YES1: variants seen among roughly 807,000 people sequenced by gnomAD.
YES1 encodes tyrosine-protein kinase Yes.
Under a neutral mutation model 70.4 loss-of-function variants are expected in YES1, and 39 were observed. The ratio of observed to expected loss-of-function variants is 0.55; its 90% CI spans 0.43 to 0.72. The LOEUF (loss-of-function observed/expected upper bound fraction) is 0.72, where lower values mean the gene tolerates loss of function less well. YES1 is among the 30% of genes least tolerant of loss of function. YES1 has a pLI of 0.00. For synonymous variants in YES1, 198 were observed against 218.6 expected, an observed-to-expected ratio of 0.91 and a Z score of 0.83; for missense variants, 495 against 644.8, an observed-to-expected ratio of 0.77 and a Z score of 2.52.
intron 10 of YES1, among the ~76,000 whole-genome samples, chr18:734,712 T>C (rs982844832): frequency 7.3e-5 from 11 of 151,094 alleles, no homozygotes; most frequent in African/African-American, 2.7e-4. Flanking sequence ...TAGATGTTGG[T>C]GTGGATGTGG....
chr18:736,963 T>C lies in YES1; in HGVS notation c.1138-2A>G. On this transcript the variant is annotated splice_acceptor_variant, in intron 9 of 11. Coordinates refer to ENST00000314574, the MANE Select transcript of YES1 (RefSeq NM_005433.4). LOFTEE classifies it high-confidence loss of function. ...AATATATGCCATACCATCAGCAATC[T>C]TGGAAAGAGAAAAACAAAAAACACA... 1.9e-6 allele frequency: 3 copies of C among 1,600,728 alleles called. No individual in the cohort carries two copies. The highest frequency in any genetic ancestry group is 1.1e-5 in the South Asian group (1 of 89,204).
intron 1 of YES1, among the ~76,000 whole-genome samples, chr18:808,671 C>A (rs886554056): frequency 1.3e-5 from 2 of 152,132 alleles, no homozygotes; most frequent in Non-Finnish European, 2.9e-5. Flanking sequence ...ACTGAAAGTT[C>A]CTGTGATATA....
intron 1 of YES1, among the ~76,000 whole-genome samples, chr18:789,573 ACT>A (rs1323917313): frequency 6.6e-6 from 1 of 152,088 alleles, no homozygotes; most frequent in African/African-American, 2.4e-5. Context: ...AGAGAGCAAG[ACT>A]CTGTCTCAAA....
At chr18:750,453 G>A (rs186291521) in intron 3 of YES1, among the ~76,000 whole-genome samples, 11 of 152,244 alleles carry the variant, frequency 7.2e-5, no homozygotes, top group African/African-American at 2.6e-4. Flanking sequence ...TGCTGTGTGC[G>A]TTTTAAGATA....
chr18:791,307 C>T (rs1906237627), intron 1 of YES1, among the ~76,000 whole-genome samples: 1 of 149,460 alleles, frequency 6.7e-6, no homozygotes, highest in Non-Finnish European at 1.5e-5. Context: ...CAACAGTGAA[C>T]AAAACGTCCC....
At chr18:767,882 G>GT (rs1425869541) in intron 1 of YES1, among the ~76,000 whole-genome samples, 2 of 152,058 alleles carry the variant, frequency 1.3e-5, no homozygotes, top group Non-Finnish European at 2.9e-5. Context: ...TGTATTTTTA[G>GT]TAGAGATGGG....
At chr18:747,082 G>A (rs2080289268) in intron 4 of YES1, among the ~76,000 whole-genome samples, 1 of 152,126 alleles carries the variant, frequency 6.6e-6, no homozygotes, top group African/African-American at 2.4e-5. Flanking sequence ...AAAACTAACT[G>A]AAAGTAATAT....
intron 1 of YES1, among the ~76,000 whole-genome samples, chr18:777,326 G>A (rs1369997893): frequency 2.0e-5 from 3 of 152,162 alleles, no homozygotes; most frequent in African/African-American, 7.2e-5. Flanking sequence ...CCACTGAATT[G>A]TAACTTGATT....
intron 1 of YES1, among the ~76,000 whole-genome samples, chr18:796,994 C>T (rs1906579635): frequency 6.6e-6 from 1 of 151,884 alleles, no homozygotes; most frequent in South Asian, 2.1e-4. Context: ...AAAACAAAAA[C>T]CTGTAAGTAG....
Position 801,347 on chromosome 18 carries a change from C to T in YES1, c.-9+10767G>A, listed in dbSNP as rs143949484. ...CACCCTGTCTCAAAAAAATGATTTACATGAACAAACTAGTATAGAAGACTA... is the reference window on the plus strand; with the variant it reads ...CACCCTGTCTCAAAAAAATGATTTATATGAACAAACTAGTATAGAAGACTA... On this transcript the variant is annotated intron_variant, in intron 1 of 11. Coordinates refer to ENST00000314574, the MANE Select transcript of YES1 (RefSeq NM_005433.4). 2.1e-3 allele frequency among the ~76,000 whole-genome samples: 316 copies of T among 151,974 alleles called. 1 individual carries two copies. The highest frequency in any genetic ancestry group is 3.7e-3 in the Non-Finnish European group (250 of 67,926).
chr18:728,123 C>A (rs1391936390), intron 11 of YES1, among the ~76,000 whole-genome samples: 1 of 151,992 alleles, frequency 6.6e-6, no homozygotes. Context: ...ATCGCTTGAG[C>A]CTAGGATTTT....
chr18:743,061 G>A lies in YES1; in HGVS notation c.917C>T (p.Thr306Ile). 1 of 1,602,598 alleles carries A rather than the reference G, an allele frequency of 6.2e-7. No homozygotes were observed. Among genetic ancestry groups the A allele is most frequent in the Non-Finnish European group, 8.5e-7 (1 of 1,177,334 alleles). The change falls in exon 8 of 12, where the codon ACA becomes ATA. Residue 306 changes from threonine (T) to isoleucine (I), a missense_variant. By Grantham distance (89) the Thr-to-Ile change is moderately conservative (BLOSUM62 -1). This residue lies in a region of YES1 where 385 missense variants were observed against 540.9 expected (regional missense o/e 0.71). Coordinates refer to ENST00000314574, the MANE Select transcript of YES1 (RefSeq NM_005433.4). Reference protein sequence around the residue: ...WNGTTKVAIKTLKPGTMMPEA... With the variant: ...WNGTTKVAIKILKPGTMMPEA... The stretch of plus-strand genomic sequence containing the variant: ...TGGCATCATTGTACCTGGTTTTAGT[G>A]TTTTGATTGCTACTTTCGTGGTTCC...
At position 767,770 on chromosome 18, in the gene YES1, G is replaced by A. The variant is rs965931324; in HGVS notation, c.-8-10935C>T. On this transcript the variant is annotated intron_variant, in intron 1 of 11. Transcript: ENST00000314574. Reference sequence around the variant, plus strand: ...GGCTGGAGTACAGGGGCACGATCTCGGTTCACTGCAACCTCCATCTCCTGG... The same window carrying A: ...GGCTGGAGTACAGGGGCACGATCTCAGTTCACTGCAACCTCCATCTCCTGG... Among the ~76,000 whole-genome samples, 25 of 152,034 alleles carry A rather than the reference G, an allele frequency of 1.6e-4. 1 individual carries two copies. Among genetic ancestry groups the A allele is most frequent in the Admixed American group, 1.6e-3 (24 of 15,258 alleles).
In YES1 at chr18:757,330, CG is replaced by C. The variant is rs916503041; in HGVS notation, c.-8-496del. 9.3e-5 allele frequency among the ~76,000 whole-genome samples: 14 copies of C among 150,922 alleles called. 1 individual carries two copies. Among genetic ancestry groups the C allele is most frequent in the Middle Eastern group, 6.5e-3 (2 of 308 alleles). On this transcript the variant is annotated intron_variant, in intron 1 of 11. Transcript: ENST00000314574. ...CATCCTGGCTAACACGGTGAAACCC[CG>C]CCTCTACTAAAAATGCAAAAAATTA...
intron 1 of YES1, among the ~76,000 whole-genome samples, chr18:801,200 G>A (rs897655749): frequency 2.6e-5 from 4 of 151,958 alleles, no homozygotes; most frequent in African/African-American, 4.8e-5. Context: ...AGGCATAGTG[G>A]TGCACACCTG....
chr18:747,796 T>C (rs2080297773), intron 4 of YES1, 124 bp downstream of exon 4: 1 of 757,020 alleles, frequency 1.3e-6, no homozygotes, highest in Non-Finnish European at 2.1e-6. Context: ...TCTATTAATA[T>C]GATACATAAG....
chr18:765,274 A>G (rs1904837639), intron 1 of YES1, among the ~76,000 whole-genome samples: 3 of 97,790 alleles, frequency 3.1e-5, no homozygotes, highest in African/African-American at 3.6e-5. Flanking sequence ...ATATATATAT[A>G]TATATATATA....
chr18:764,764 G>A (rs191256574), intron 1 of YES1, among the ~76,000 whole-genome samples: 40 of 151,846 alleles, frequency 2.6e-4, no homozygotes, highest in Admixed American at 2.0e-3. Context: ...ACGGAGTCTC[G>A]TTCTGTCACC....
intron 1 of YES1, among the ~76,000 whole-genome samples, chr18:772,942 T>C (rs1905222382): frequency 6.6e-6 from 1 of 152,200 alleles, no homozygotes; most frequent in African/African-American, 2.4e-5. Flanking sequence ...TAATATAAAC[T>C]GCTATCTAAC....
Sources: gnomAD v4.1 joint callset for allele counts (sites outside exome capture counted in the v4.1 genomes callset) on GRCh38, gnomAD v4.1.1 for gene constraint, gnomAD v4.1.1 regional missense constraint, MANE v1.5 for transcripts, NCBI Gene and HGNC (gene_info 2026-07-23, HGNC 2026-07-21) for gene names.